The following BCR variants were observed in gnomAD, a reference collection of about 807,000 sequenced individuals.
BCR encodes breakpoint cluster region protein.
Under a neutral mutation model 138.6 loss-of-function variants are expected in BCR, and 58 were observed. That is an observed-to-expected ratio of 0.42 (90% CI 0.34 to 0.52). BCR has a LOEUF of 0.52. Among genes scored for constraint, BCR ranks in the 20% least tolerant of loss-of-function variants. BCR has a pLI of 0.06. For missense variants in BCR, 1,599 were observed against 1,727.2 expected (o/e 0.93, Z 1.32); for synonymous variants, 786 against 730.1 (o/e 1.08, Z -1.23).
chr22:23,197,127 G>C (rs2072494254), intron 1 of BCR, among the ~76,000 whole-genome samples: 1 of 152,184 alleles, frequency 6.6e-6, no homozygotes, highest in Non-Finnish European at 1.5e-5. Flanking sequence ...TTATAATACT[G>C]TGTTTTTACT....
chr22:23,230,912 T>C (rs1208205209), intron 1 of BCR, among the ~76,000 whole-genome samples: 1 of 152,176 alleles, frequency 6.6e-6, no homozygotes, highest in Non-Finnish European at 1.5e-5. Flanking sequence ...CTTCAGGGAA[T>C]GTGGCCCCGG....
rs551254115 is a variant in BCR, at chr22:23,283,927, C to G, written c.2116-50C>G. 323 of 1,520,426 alleles carry G rather than the reference C, an allele frequency of 2.1e-4. 2 individuals carry two copies. In the South Asian group the frequency reaches 3.7e-3, roughly 17 times the overall value. The allele number at this position is 1,520,426 out of a possible 1,614,324, so 94.2% of individuals were successfully genotyped here. Reference sequence around the variant, plus strand: ...TGGGCTGGGAGGGCCGAACACCCCCCACCCATCACCCCAGGCTGGCCCTGA... The same window carrying G: ...TGGGCTGGGAGGGCCGAACACCCCCGACCCATCACCCCAGGCTGGCCCTGA... On this transcript the variant is annotated intron_variant, in intron 8 of 22. Coordinates refer to ENST00000305877, the MANE Select transcript of BCR (RefSeq NM_004327.4).
chr22:23,230,343 C>G (rs537267512), intron 1 of BCR, among the ~76,000 whole-genome samples: 1 of 152,250 alleles, frequency 6.6e-6, no homozygotes, highest in African/African-American at 2.4e-5. Flanking sequence ...GTCCTTCTCT[C>G]TGTGTGTGGT....
intron 4 of BCR, chr22:23,263,648 G>C: frequency 6.8e-7 from 1 of 1,468,834 alleles, no homozygotes; most frequent in Non-Finnish European, 9.5e-7. Flanking sequence ...CATATTGTCA[G>C]TGCAGGAGGA....
chr22:23,207,366 G>A (rs2072629778), intron 1 of BCR, among the ~76,000 whole-genome samples: 2 of 152,206 alleles, frequency 1.3e-5, no homozygotes. Flanking sequence ...GGAGTATATT[G>A]TAATCCCAGT....
At chr22:23,276,089 G>A (rs2073572553) in intron 8 of BCR, among the ~76,000 whole-genome samples, 1 of 152,150 alleles carries the variant, frequency 6.6e-6, no homozygotes, top group African/African-American at 2.4e-5. Context: ...CCACCAAGGA[G>A]GAAGTGTAAT....
intron 1 of BCR, among the ~76,000 whole-genome samples, chr22:23,219,193 G>A (rs1387816393): frequency 1.3e-5 from 2 of 152,198 alleles, no homozygotes; most frequent in South Asian, 2.1e-4. Context: ...CCGACAGATG[G>A]CCCTGGTGGG....
intron 1 of BCR, among the ~76,000 whole-genome samples, chr22:23,234,006 G>C (rs1245311220): frequency 6.6e-6 from 1 of 151,990 alleles, no homozygotes; most frequent in Non-Finnish European, 1.5e-5. Flanking sequence ...AATGAGCTCA[G>C]CCTGTATACC....
intron 10 of BCR, among the ~76,000 whole-genome samples, chr22:23,286,209 C>T (rs1467742769): frequency 6.6e-6 from 1 of 152,224 alleles, no homozygotes; most frequent in Non-Finnish European, 1.5e-5. Context: ...GTGTTCAGGA[C>T]TACCTGCCCT....
intron 1 of BCR, among the ~76,000 whole-genome samples, chr22:23,222,097 C>A (rs6003572): frequency 0.032 from 4,820 of 151,110 alleles, 254 homozygotes; most frequent in African/African-American, 0.11. Context: ...TCTCAAAAAA[C>A]AAAAAAAAGA....
rs376485138 is a variant in BCR, at chr22:23,181,419, G to T, written c.459G>T (p.Ala153=). Residue 153 remains alanine (A), a synonymous_variant, in exon 1 of 23, where the codon GCG becomes GCT. Coordinates refer to ENST00000305877, the MANE Select transcript of BCR (RefSeq NM_004327.4). The part of the protein sequence containing the change: ...DDRGPPASVA[A]LRSNFERIRK... ...GGGGACCCCCCGCCAGCGTGGCGGCGCTCAGGTCCAACTTCGAGCGGATCC... is the reference window on the plus strand; with the variant it reads ...GGGGACCCCCCGCCAGCGTGGCGGCTCTCAGGTCCAACTTCGAGCGGATCC... 11 of 1,580,258 alleles carry T rather than the reference G, an allele frequency of 7.0e-6. No individual in the cohort carries two copies. The highest frequency in any genetic ancestry group is 1.4e-5 in the African/African-American group (1 of 73,898).
rs565490262 is a variant in BCR at position 23,181,978 on chromosome 22, T to C, written c.1018T>C (p.Ser340Pro). 1 of 1,613,306 alleles carries C rather than the reference T, an allele frequency of 6.2e-7. No homozygotes were observed. Among genetic ancestry groups the C allele is most frequent in the African/African-American group, 1.3e-5 (1 of 75,032 alleles). The change falls in exon 1 of 23, where the codon TCC becomes CCC. Residue 340 changes from serine to proline, a missense_variant. Physicochemically the swap from Ser to Pro is moderately conservative, Grantham distance 74. Coordinates refer to ENST00000305877, the MANE Select transcript of BCR (RefSeq NM_004327.4). Reference sequence around the variant, plus strand: ...CTGCAGCTCCAATGAGAACCTCACCTCCAGCGAGGAGGACTTCTCCTCTGG... The same window carrying C: ...CTGCAGCTCCAATGAGAACCTCACCCCCAGCGAGGAGGACTTCTCCTCTGG... ...PDCSSNENLT[S>P]SEEDFSSGQS...
chr22:23,217,294 G>C lies in BCR; in HGVS notation c.1279+35055G>C, dbSNP rs544612355. Among the ~76,000 whole-genome samples, 25 of 152,362 alleles carry C rather than the reference G, an allele frequency of 1.6e-4. No homozygotes were observed. The South Asian group carries it at 5.2e-3, about 32-fold the overall frequency. ...CTAGTTCAAGATTGCTGGGGTGTCA[G>C]ATCCACTGTTAGGTCCCATAAACTT... On this transcript the variant is annotated intron_variant, in intron 1 of 22. Coordinates refer to ENST00000305877, the MANE Select transcript of BCR (RefSeq NM_004327.4).
chr22:23,281,231 G>T (rs114885441), intron 8 of BCR, among the ~76,000 whole-genome samples: 1,820 of 152,344 alleles, frequency 0.012, 31 homozygotes, highest in African/African-American at 0.042. Context: ...GGCCACTGAG[G>T]CCCTGGCCCT....
chr22:23,290,590 G>GTT (rs112463208), intron 14 of BCR, 177 bp downstream of exon 14: 6 of 650,578 alleles, frequency 9.2e-6, no homozygotes, highest in Admixed American at 2.5e-5. Context: ...GTGTGGAATT[G>GTT]TTTTTCCCGG....
chr22:23,199,759 G>A (rs900298091), intron 1 of BCR, among the ~76,000 whole-genome samples: 27 of 152,154 alleles, frequency 1.8e-4, no homozygotes, highest in African/African-American at 6.5e-4. Flanking sequence ...ATTAATTGGA[G>A]TCATTCCCAA....
At chr22:23,236,685 G>A (rs918314681) in intron 1 of BCR, among the ~76,000 whole-genome samples, 4 of 152,248 alleles carry the variant, frequency 2.6e-5, no homozygotes, top group African/African-American at 7.2e-5. Context: ...TGTTCCTGAC[G>A]TTGGCCTGGG....
chr22:23,207,599 G>A (rs981484066), intron 1 of BCR, among the ~76,000 whole-genome samples: 2 of 152,146 alleles, frequency 1.3e-5, no homozygotes, highest in African/African-American at 4.8e-5. Context: ...CTCTAGCCTG[G>A]GCGACAGAGA....
At chr22:23,202,842 C>T (rs1433043062) in intron 1 of BCR, among the ~76,000 whole-genome samples, 9 of 140,524 alleles carry the variant, frequency 6.4e-5, no homozygotes, top group Admixed American at 4.5e-4. Context: ...TAATTACATT[C>T]AGTGAATTTT....
Sources: allele counts gnomAD v4.1 joint callset (sites outside exome capture counted in the v4.1 genomes callset), GRCh38; gene constraint gnomAD v4.1.1; transcripts MANE v1.5; gene names NCBI Gene and HGNC (gene_info 2026-07-23, HGNC 2026-07-21).